The following ARID5A variants were observed in gnomAD, a reference collection of about 807,000 sequenced individuals.
ARID5A encodes the protein AT-rich interactive domain-containing protein 5A.
Under a neutral mutation model 30.5 loss-of-function variants are expected in ARID5A, and 14 were observed. The observed-to-expected ratio is 0.46, with a 90% CI of 0.30 to 0.72. ARID5A has a LOEUF of 0.72. ARID5A is among the 30% of genes least tolerant of loss of function. ARID5A has a pLI of 0.07. For synonymous variants in ARID5A, 338 were observed against 340.4 expected (o/e 0.99, Z 0.08); for missense variants, 669 against 786.2 (o/e 0.85, Z 1.78).
At position 96,551,651 on chromosome 2, in the gene ARID5A, C is replaced by T. The variant is rs567165909; in HGVS notation, c.1123C>T (p.Pro375Ser). The change falls in exon 7 of 7, where the codon CCT (proline) becomes TCT (serine). Residue 375 changes from proline to serine, a missense_variant. Transcript: ENST00000357485. ...RLKDGVLLGP[P>S]GKEGLSVKEP... ...TAAAGATGGGGTGCTATTGGGGCCT[C>T]CTGGCAAAGAGGGGCTGTCAGTGAA... 8.5e-6 allele frequency: 13 copies of T among 1,524,810 alleles called. No individual in the cohort carries two copies. Among genetic ancestry groups the T allele is most frequent in the African/African-American group, 4.2e-5 (3 of 71,896 alleles). 94.5% of individuals were successfully genotyped at this position (1,524,810 alleles called of 1,614,324 possible). A position where few individuals can be genotyped will look rare whatever the true frequency, so the allele number is the denominator to read the frequency against.
chr2:96,546,746 G>A (rs566641177), intron 1 of ARID5A, among the ~76,000 whole-genome samples: 1 of 152,238 alleles, frequency 6.6e-6, no homozygotes, highest in Non-Finnish European at 1.5e-5. Context: ...CCTTATTAGG[G>A]CAGTTAGAAC....
chr2:96,549,961 AAGCAGCTTTTC>A lies in ARID5A; in HGVS notation c.312+160_312+170del. The A allele has an allele frequency of 6.5e-7, 1 of 1,532,962 alleles. No homozygotes were observed. The allele number at this position is 1,532,962 out of a possible 1,614,324, so 95.0% of individuals were successfully genotyped here. A position where few individuals can be genotyped will look rare whatever the true frequency, so the allele number is the denominator to read the frequency against. On this transcript the variant is annotated intron_variant, in intron 4 of 6. Coordinates refer to ENST00000357485, the MANE Select transcript of ARID5A (RefSeq NM_212481.3). This position sits in a 1 kb window ranked among gnomAD's most constrained non-coding sequence, Gnocchi z 6.1. ...TTCCCCGCTGGTACTCTGCTGCTCA[AAGCAGCTTTTC>A]AGCCTTCCCCATCTGTTCTGCCCGC...
Position 96,551,288 on chromosome 2 carries a change from A to G in ARID5A, c.760A>G (p.Ile254Val), listed in dbSNP as rs776779822. ...SSFYCKGTHG[I>V]MSPLAKKKLL... ...CTTCTACTGCAAGGGGACACACGGC[A>G]TCATGTCACCACTGGCCAAAAAGAA... The change falls in exon 7 of 7, where the codon ATC becomes GTC. Residue 254 changes from isoleucine to valine, a missense_variant. Transcript: ENST00000357485. The G allele has an allele frequency of 6.1e-5, 98 of 1,613,752 alleles. No homozygotes were observed. The highest frequency in any genetic ancestry group is 8.1e-5 in the Non-Finnish European group (95 of 1,180,012).
intron 1 of ARID5A, chr2:96,538,439 C>A: frequency 3.2e-6 from 2 of 621,038 alleles, no homozygotes; most frequent in Non-Finnish European, 4.0e-6. Flanking sequence ...TGCCCCCAGA[C>A]CCTGTCTCTC....
chr2:96,551,639 C>A lies in ARID5A; in HGVS notation c.1111C>A (p.Leu371Ile), dbSNP rs1419993446. The change falls in exon 7 of 7, where the codon CTA (leucine) becomes ATA (isoleucine). Residue 371 changes from leucine to isoleucine, a missense_variant. Physicochemically the swap from Leu to Ile is conservative, Grantham distance 5 (BLOSUM62 2). This residue lies in a region of ARID5A where 548 missense variants were observed against 577.4 expected (regional missense o/e 0.95). Coordinates refer to ENST00000357485, the MANE Select transcript of ARID5A (RefSeq NM_212481.3). ...DFFSRLKDGVLLGPPGKEGLS... is the reference protein window; with the variant it reads ...DFFSRLKDGVILGPPGKEGLS... Reference sequence around the variant, plus strand: ...CTTCTCTAGACTTAAAGATGGGGTGCTATTGGGGCCTCCTGGCAAAGAGGG... The same window carrying A: ...CTTCTCTAGACTTAAAGATGGGGTGATATTGGGGCCTCCTGGCAAAGAGGG... The A allele has an allele frequency of 3.9e-6, 6 of 1,527,802 alleles. No homozygotes were observed. In the East Asian group the frequency reaches 1.4e-4, roughly 35 times the overall value. The allele number at this position is 1,527,802 out of a possible 1,614,324, so 94.6% of individuals were successfully genotyped here.
chr2:96,549,291 C>T lies in ARID5A; in HGVS notation c.121-30C>T. 1 of 1,600,702 alleles carries T rather than the reference C, an allele frequency of 6.2e-7. No individual in the cohort carries two copies. The highest frequency in any genetic ancestry group is 8.5e-7 in the Non-Finnish European group (1 of 1,173,168). ...CCAGCAGCCAGCCACCAACTGGGGCCCATCCCAATGCCTCCTGTTCTCTCC... is the reference window on the plus strand; with the variant it reads ...CCAGCAGCCAGCCACCAACTGGGGCTCATCCCAATGCCTCCTGTTCTCTCC... On this transcript the variant is annotated intron_variant, in intron 2 of 6. Transcript: ENST00000357485. The surrounding 1 kb of genome is among the most constrained non-coding windows in gnomAD (Gnocchi z 6.1).
chr2:96,538,899 A>G (rs2065794534), intron 1 of ARID5A, among the ~76,000 whole-genome samples: 1 of 152,036 alleles, frequency 6.6e-6, no homozygotes, highest in Non-Finnish European at 1.5e-5. Context: ...ATGGGGAGGG[A>G]GAGAAGGAAA....
At chr2:96,545,846 C>T (rs923933511) in intron 1 of ARID5A, among the ~76,000 whole-genome samples, 13 of 151,594 alleles carry the variant, frequency 8.6e-5, no homozygotes, top group African/African-American at 2.7e-4. Flanking sequence ...CCCAGCTACT[C>T]GGGAGGCTGA....
intron 1 of ARID5A, chr2:96,538,456 T>G: frequency 2.0e-6 from 1 of 504,474 alleles, no homozygotes; most frequent in Non-Finnish European, 2.6e-6. Flanking sequence ...TCTCTCGCCC[T>G]CCCCCAAGCT....
rs1460324794 is a variant in ARID5A, at chr2:96,537,106, G to T, written c.4+276G>T. On this transcript the variant is annotated intron_variant, in intron 1 of 6. Transcript: ENST00000357485. This position sits in a 1 kb window ranked among gnomAD's most constrained non-coding sequence, Gnocchi z 4.8. Reference sequence around the variant, plus strand: ...AAGTTTTGGCGGCCAGGGGCTTCCCGGGCGTTTATCTCGAAACTCTTTTCG... The same window carrying T: ...AAGTTTTGGCGGCCAGGGGCTTCCCTGGCGTTTATCTCGAAACTCTTTTCG... Among the ~76,000 whole-genome samples the T allele has an allele frequency of 6.6e-6, 1 of 152,194 alleles. No homozygotes were observed. Among genetic ancestry groups the T allele is most frequent in the Non-Finnish European group, 1.5e-5 (1 of 68,022 alleles).
In ARID5A at chr2:96,550,317, CGCCTACCCTGCGGGGCTTTG is replaced by C. The variant is rs1440574660; in HGVS notation, c.410+36_410+55del. The C allele has an allele frequency of 1.8e-5, 25 of 1,428,426 alleles. No individual in the cohort carries two copies. Among genetic ancestry groups the C allele is most frequent in the Non-Finnish European group, 2.1e-5 (23 of 1,099,520 alleles). The allele number at this position is 1,428,426 out of a possible 1,614,324, so 88.5% of individuals were successfully genotyped here. On this transcript the variant is annotated intron_variant, in intron 5 of 6. Coordinates refer to ENST00000357485, the MANE Select transcript of ARID5A (RefSeq NM_212481.3). This position sits in a 1 kb window ranked among gnomAD's most constrained non-coding sequence, Gnocchi z 6.6. ...CGGGGCGGGCCCGGGTGCTGGACGCCGCCTACCCTGCGGGGCTTTGGCCGACCTTGCCGGGAGGGCCGGGT... is the reference window on the plus strand; with the variant it reads ...CGGGGCGGGCCCGGGTGCTGGACGCCGCCGACCTTGCCGGGAGGGCCGGGT...
Position 96,550,121 on chromosome 2 carries a change from C to G in ARID5A, c.313-67C>G. 6.5e-7 allele frequency: 1 copy of G among 1,531,924 alleles called. No homozygotes were observed. Among genetic ancestry groups the G allele is most frequent in the South Asian group, 1.2e-5 (1 of 83,828 alleles). 94.9% of individuals were successfully genotyped at this position (1,531,924 alleles called of 1,614,324 possible). A position where few individuals can be genotyped will look rare whatever the true frequency, so the allele number is the denominator to read the frequency against. ...TCCTTCGAGTCCCTGCGAGGGCGGC[C>G]GGAGCTGCAAGGACCCCGCCGCCAG... On this transcript the variant is annotated intron_variant, in intron 4 of 6. Transcript: ENST00000357485. This position sits in a 1 kb window ranked among gnomAD's most constrained non-coding sequence, Gnocchi z 6.6.
In ARID5A at chr2:96,549,245, G is replaced by A; in HGVS notation, c.121-76G>A. 1 of 1,569,250 alleles carries A rather than the reference G, an allele frequency of 6.4e-7. No individual in the cohort carries two copies. Among genetic ancestry groups the A allele is most frequent in the Non-Finnish European group, 8.6e-7 (1 of 1,157,966 alleles). On this transcript the variant is annotated intron_variant, in intron 2 of 6. Coordinates refer to ENST00000357485, the MANE Select transcript of ARID5A (RefSeq NM_212481.3). This position sits in a 1 kb window ranked among gnomAD's most constrained non-coding sequence, Gnocchi z 6.1. ...GGGTAGGTACCTTATTCCTCCTGCA[G>A]CCAGTGGTTTCTGCACATCCCCAGC...
intron 1 of ARID5A, among the ~76,000 whole-genome samples, chr2:96,540,994 C>T (rs1200074538): frequency 1.3e-5 from 2 of 151,606 alleles, no homozygotes; most frequent in African/African-American, 4.9e-5. Context: ...ATCTGCCTGC[C>T]TTGGCCTCCC....
At position 96,550,477 on chromosome 2, in the gene ARID5A, T is replaced by G; in HGVS notation, c.411-97T>G. Reference sequence around the variant, plus strand: ...CTTTGGGACCAGGAGAGGGCCTTCCTCGGCGCCGGCGGGGAAGGGGGCTCA... The same window carrying G: ...CTTTGGGACCAGGAGAGGGCCTTCCGCGGCGCCGGCGGGGAAGGGGGCTCA... On this transcript the variant is annotated intron_variant, in intron 5 of 6. Transcript: ENST00000357485. The surrounding 1 kb of genome is among the most constrained non-coding windows in gnomAD (Gnocchi z 6.6). 1 of 1,467,530 alleles carries G rather than the reference T, an allele frequency of 6.8e-7. No homozygotes were observed. The highest frequency in any genetic ancestry group is 9.0e-7 in the Non-Finnish European group (1 of 1,106,820). The allele number at this position is 1,467,530 out of a possible 1,614,324, so 90.9% of individuals were successfully genotyped here.
In ARID5A at chr2:96,550,357, C is replaced by T; in HGVS notation, c.410+72C>T. On this transcript the variant is annotated intron_variant, in intron 5 of 6. Coordinates refer to ENST00000357485, the MANE Select transcript of ARID5A (RefSeq NM_212481.3). This position sits in a 1 kb window ranked among gnomAD's most constrained non-coding sequence, Gnocchi z 6.6. ...GCTTTGGCCGACCTTGCCGGGAGGG[C>T]CGGGTGGACTCTGCCCGGAGCGGGC... The T allele has an allele frequency of 2.1e-6, 3 of 1,423,196 alleles. No individual in the cohort carries two copies. The highest frequency in any genetic ancestry group is 2.7e-6 in the Non-Finnish European group (3 of 1,095,676). The allele number at this position is 1,423,196 out of a possible 1,614,324, so 88.2% of individuals were successfully genotyped here.
chr2:96,552,348 A>T lies in ARID5A; in HGVS notation c.*35A>T. The T allele has an allele frequency of 6.2e-7, 1 of 1,612,714 alleles. No homozygotes were observed. The highest frequency in any genetic ancestry group is 1.1e-5 in the South Asian group (1 of 91,046). Reference sequence around the variant, plus strand: ...TGGTGTTGTGTACACTGTGGAGTCGACAGGGGCCTACAACAGGCAGGTACT... The same window carrying T: ...TGGTGTTGTGTACACTGTGGAGTCGTCAGGGGCCTACAACAGGCAGGTACT... On this transcript the variant is annotated 3_prime_UTR_variant, in exon 7 of 7. Coordinates refer to ENST00000357485, the MANE Select transcript of ARID5A (RefSeq NM_212481.3).
chr2:96,549,919 GTCCCTGCC>G lies in ARID5A; in HGVS notation c.312+124_312+131del. 1 of 1,533,834 alleles carries G rather than the reference GTCCCTGCC, an allele frequency of 6.5e-7. No individual in the cohort carries two copies. Among genetic ancestry groups the G allele is most frequent in the Non-Finnish European group, 8.8e-7 (1 of 1,138,602 alleles). ...CCAGGATCCCCAGTCCTACCCCTGCGTCCCTGCCTCCCTGCCTTCCCCGCTGGTACTCT... is the reference window on the plus strand; with the variant it reads ...CCAGGATCCCCAGTCCTACCCCTGCGTCCCTGCCTTCCCCGCTGGTACTCT... On this transcript the variant is annotated intron_variant, in intron 4 of 6. Transcript: ENST00000357485. The surrounding 1 kb of genome is among the most constrained non-coding windows in gnomAD (Gnocchi z 6.1).
intron 1 of ARID5A, 70 bp from the exon 2 acceptor site, chr2:96,547,332 C>A: frequency 7.6e-7 from 1 of 1,318,430 alleles, no homozygotes; most frequent in Non-Finnish European, 1.1e-6. Flanking sequence ...TGCTCCTGTT[C>A]CTCCCTGCTT....
Sources: gnomAD v4.1 joint callset for allele counts (sites outside exome capture counted in the v4.1 genomes callset) on GRCh38, gnomAD v4.1.1 for gene constraint, gnomAD v4.1.1 regional missense constraint, Gnocchi (gnomAD v3.1) non-coding constraint, MANE v1.5 for transcripts, NCBI Gene and HGNC (gene_info 2026-07-23, HGNC 2026-07-21) for gene names.